The following P2RY8 variants were observed in gnomAD, a reference collection of about 807,000 sequenced individuals.
P2RY8 encodes P2Y receptor family member 8, also known as S-geranylgeranyl-glutathione receptor P2RY8.
Under a neutral mutation model 10.0 loss-of-function variants are expected in P2RY8, and 6 were observed. That is an observed-to-expected ratio of 0.60 (90% CI 0.33 to 1.19). P2RY8 has a LOEUF of 1.19. Ranked by LOEUF, P2RY8 falls within the 50% of genes most tolerant of loss-of-function variation. The pLI is 0.04. For synonymous variants in P2RY8, 276 were observed against 252.5 expected (o/e 1.09, Z -0.88); for missense variants, 456 against 542.0 (o/e 0.84, Z 1.58).
intron 1 of P2RY8, among the ~76,000 whole-genome samples, chrX:1,473,730 G>T (rs1477115798): frequency 1.3e-5 from 2 of 150,782 alleles, no homozygotes; most frequent in Admixed American, 6.6e-5. Context: ...CTGGGTGGAT[G>T]GGTGGGTGGA....
intron 1 of P2RY8, among the ~76,000 whole-genome samples, chrX:1,476,941 C>A (rs2091881080): frequency 1.3e-5 from 2 of 152,158 alleles, no homozygotes; most frequent in South Asian, 2.1e-4. Context: ...GTAATCTCAG[C>A]ACTTTGGGAG....
chrX:1,535,693 CCACACACACA>C lies in P2RY8; in HGVS notation c.-25+1218_-25+1227del, dbSNP rs779177116. Among the ~76,000 whole-genome samples, 699 of 126,070 alleles carry C rather than the reference CCACACACACA, an allele frequency of 5.5e-3. 3 individuals carry two copies. Among genetic ancestry groups the C allele is most frequent in the African/African-American group, 0.02 (665 of 33,044 alleles). The allele number at this position is 126,070 out of a possible 152,430, so 82.7% of individuals were successfully genotyped here. On this transcript the variant is annotated intron_variant, in intron 1 of 1. Coordinates refer to ENST00000381297, the MANE Select transcript of P2RY8 (RefSeq NM_178129.5). ...AAGATAACAACATGGGAAGAAACAACCACACACACACACACACACACAGACACACACACAG... is the reference window on the plus strand; with the variant it reads ...AAGATAACAACATGGGAAGAAACAACCACACACACACAGACACACACACAG...
At chrX:1,521,694 C>T (rs1201264234) in intron 1 of P2RY8, among the ~76,000 whole-genome samples, 1 of 152,098 alleles carries the variant, frequency 6.6e-6, no homozygotes, top group Non-Finnish European at 1.5e-5. Context: ...GGTGTGTTTA[C>T]TTAGAAGTGA....
chrX:1,495,178 G>C (rs2092104071), intron 1 of P2RY8, among the ~76,000 whole-genome samples: 1 of 152,046 alleles, frequency 6.6e-6, no homozygotes, highest in African/African-American at 2.4e-5. Context: ...GACAGAGCAG[G>C]ACCCTGTCTT....
At chrX:1,509,177 ATCT>A (rs2092269736) in intron 1 of P2RY8, among the ~76,000 whole-genome samples, 1 of 151,258 alleles carries the variant, frequency 6.6e-6, no homozygotes, top group African/African-American at 2.4e-5. Flanking sequence ...CTATCTATCT[ATCT>A]ATCTATCTAT....
chrX:1,475,106 A>C (rs1188544191), intron 1 of P2RY8, among the ~76,000 whole-genome samples: 3 of 16,352 alleles, frequency 1.8e-4, no homozygotes, highest in African/African-American at 7.5e-4. Flanking sequence ...GGGATGGATA[A>C]GTGGGTGGGT....
chrX:1,521,942 C>CTT lies in P2RY8; in HGVS notation c.-25+14978_-25+14979insAA, dbSNP rs1189470045. Among the ~76,000 whole-genome samples, 44 of 48,692 alleles carry CTT rather than the reference C, an allele frequency of 9.0e-4. 2 individuals carry two copies. In the South Asian group the frequency reaches 0.027, roughly 30 times the overall value. The allele number at this position is 48,692 out of a possible 152,430, so 31.9% of individuals were successfully genotyped here. ...TATGTCTTTCTCTTTCTCTCTCGCT[C>CTT]TCTTTTTTTTTTTTTTTTTTTTTTT... On this transcript the variant is annotated intron_variant, in intron 1 of 1. Transcript: ENST00000381297.
At chrX:1,524,624 T>C (rs1327919470) in intron 1 of P2RY8, among the ~76,000 whole-genome samples, 1 of 125,124 alleles carries the variant, frequency 8.0e-6, no homozygotes, top group African/African-American at 3.1e-5. Context: ...CATCCATCCA[T>C]TCATCCATCC....
intron 1 of P2RY8, among the ~76,000 whole-genome samples, chrX:1,470,629 T>C (rs2091772682): frequency 6.6e-6 from 1 of 152,058 alleles, no homozygotes; most frequent in African/African-American, 2.4e-5. Flanking sequence ...ATCTGCCTAT[T>C]CTAGATATTT....
In P2RY8 at chrX:1,513,168, C is replaced by T. The variant is rs1424855170; in HGVS notation, c.-25+23753G>A. 4.6e-5 allele frequency among the ~76,000 whole-genome samples: 7 copies of T among 151,654 alleles called. No individual in the cohort carries two copies. In the East Asian group the frequency reaches 1.4e-3, roughly 29 times the overall value. On this transcript the variant is annotated intron_variant, in intron 1 of 1. Coordinates refer to ENST00000381297, the MANE Select transcript of P2RY8 (RefSeq NM_178129.5). ...TAGTTTGCTGAGAGTGACTTTCTGG[C>T]TTTATCCACGTCCCTGCAAAGGATA... is the stretch of plus-strand genomic sequence containing the variant.
intron 1 of P2RY8, among the ~76,000 whole-genome samples, chrX:1,470,486 TC>T (rs1207012053): frequency 6.6e-6 from 1 of 151,938 alleles, no homozygotes; most frequent in Non-Finnish European, 1.5e-5. Flanking sequence ...ACCATTGCAC[TC>T]CAGCCTGGGC....
At chrX:1,484,550 C>A (rs185965366) in intron 1 of P2RY8, among the ~76,000 whole-genome samples, 1 of 151,380 alleles carries the variant, frequency 6.6e-6, no homozygotes, top group Non-Finnish European at 1.5e-5. Context: ...CAAGGCAAAG[C>A]CTCGTCTGTA....
chrX:1,465,270 C>T lies in P2RY8; in HGVS notation c.*209G>A. 1.3e-6 allele frequency: 1 copy of T among 779,058 alleles called. No individual in the cohort carries two copies. The highest frequency in any genetic ancestry group is 2.0e-6 in the Non-Finnish European group (1 of 506,072). The allele number at this position is 779,058 out of a possible 1,614,324, so 48.3% of individuals were successfully genotyped here. On this transcript the variant is annotated 3_prime_UTR_variant, in exon 2 of 2. Transcript: ENST00000381297. ...GCGCTGCTGGGCTTTGCTTGTTTCTCTACCCTGAGTGAAGCCTGGAGACCC... is the reference window on the plus strand; with the variant it reads ...GCGCTGCTGGGCTTTGCTTGTTTCTTTACCCTGAGTGAAGCCTGGAGACCC...
In P2RY8 at chrX:1,465,455, C is replaced by A. The variant is rs375144912; in HGVS notation, c.*24G>T. 1 of 1,575,522 alleles carries A rather than the reference C, an allele frequency of 6.3e-7. No individual in the cohort carries two copies. The highest frequency in any genetic ancestry group is 1.8e-5 in the Admixed American group (1 of 55,082). Reference sequence around the variant, plus strand: ...CTGGATCTCCAAGCTGCGCCCCCGGCTCTCCAAGCTGCGCCCCCGGGACTC... The same window carrying A: ...CTGGATCTCCAAGCTGCGCCCCCGGATCTCCAAGCTGCGCCCCCGGGACTC... On this transcript the variant is annotated 3_prime_UTR_variant, in exon 2 of 2. Coordinates refer to ENST00000381297, the MANE Select transcript of P2RY8 (RefSeq NM_178129.5).
intron 1 of P2RY8, among the ~76,000 whole-genome samples, chrX:1,511,005 C>T (rs1291046713): frequency 7.9e-5 from 12 of 151,970 alleles, no homozygotes; most frequent in Admixed American, 3.3e-4. Context: ...AGTGAAACCC[C>T]GTCTCTACTA....
chrX:1,499,866 T>C (rs1436982336), intron 1 of P2RY8, among the ~76,000 whole-genome samples: 22 of 151,754 alleles, frequency 1.4e-4, no homozygotes, highest in Non-Finnish European at 2.7e-4. Flanking sequence ...TTTTGTTTTG[T>C]TTTTCTTTTT....
chrX:1,490,954 T>G (rs1348190601), intron 1 of P2RY8, among the ~76,000 whole-genome samples: 2 of 149,876 alleles, frequency 1.3e-5, no homozygotes, highest in Non-Finnish European at 3.0e-5. Context: ...GATTCACTTC[T>G]GCAAATGTAG....
rs1470026309 is a variant in P2RY8 at position 1,489,528 on chromosome X, T to C, written c.-24-22946A>G. 2.0e-5 allele frequency among the ~76,000 whole-genome samples: 3 copies of C among 152,296 alleles called. No individual in the cohort carries two copies. The East Asian group carries it at 5.8e-4, about 29-fold the overall frequency. On this transcript the variant is annotated intron_variant, in intron 1 of 1. Transcript: ENST00000381297. Reference sequence around the variant, plus strand: ...TCCTCACAAATGTGGAGGGAATGAATGACTGACACCCAGGATTCACTTCTG... The same window carrying C: ...TCCTCACAAATGTGGAGGGAATGAACGACTGACACCCAGGATTCACTTCTG...
At chrX:1,476,395 T>C (rs1447778840) in intron 1 of P2RY8, among the ~76,000 whole-genome samples, 1 of 151,414 alleles carries the variant, frequency 6.6e-6, no homozygotes, top group Non-Finnish European at 1.5e-5. Flanking sequence ...GCTAACACGG[T>C]GAAACCCCTT....
Sources: gnomAD v4.1 joint callset for allele counts (sites outside exome capture counted in the v4.1 genomes callset) on GRCh38, gnomAD v4.1.1 for gene constraint, MANE v1.5 for transcripts, NCBI Gene and HGNC (gene_info 2026-07-23, HGNC 2026-07-21) for gene names.